CALCRL: variants seen among roughly 807,000 people sequenced by gnomAD.
CALCRL encodes the protein calcitonin gene-related peptide type 1 receptor.
In CALCRL, 27 loss-of-function variants were observed where a neutral mutation model predicts 60.4. The observed-to-expected ratio is 0.45, with a 90% confidence interval of 0.33 to 0.62. The LOEUF is 0.62. CALCRL is among the 20% of genes least tolerant of loss of function. CALCRL has a pLI of 0.03. For synonymous variants in CALCRL, 190 were observed against 182.6 expected (o/e 1.04, Z -0.33); for missense variants, 424 against 540.7 (o/e 0.78, Z 2.14).
chr2:187,416,220 A>C (rs1689598622), intron 1 of CALCRL, among the ~76,000 whole-genome samples: 1 of 152,228 alleles, frequency 6.6e-6, no homozygotes, highest in African/African-American at 2.4e-5. Context: ...AAATGTGTAT[A>C]ATTTTATCTG....
At chr2:187,409,268 G>A (rs1261653033) in intron 1 of CALCRL, among the ~76,000 whole-genome samples, 2 of 151,910 alleles carry the variant, frequency 1.3e-5, no homozygotes, top group Non-Finnish European at 2.9e-5. Flanking sequence ...ACCTTAGTAG[G>A]GTGTCAGGAT....
intron 1 of CALCRL, among the ~76,000 whole-genome samples, chr2:187,406,123 C>T (rs1035773449): frequency 2.6e-5 from 4 of 150,990 alleles, no homozygotes; most frequent in Non-Finnish European, 5.9e-5. Context: ...CTTGTCAAAA[C>T]TTGACACCAG....
intron 1 of CALCRL, among the ~76,000 whole-genome samples, chr2:187,389,016 C>T (rs1257191034): frequency 1.3e-5 from 2 of 150,968 alleles, no homozygotes; most frequent in Non-Finnish European, 2.9e-5. Context: ...TAATTTCTTT[C>T]TCATTGTCTG....
intron 8 of CALCRL, among the ~76,000 whole-genome samples, chr2:187,374,882 T>C (rs1326823464): frequency 6.6e-6 from 1 of 152,126 alleles, no homozygotes; most frequent in Non-Finnish European, 1.5e-5. Flanking sequence ...CTGGGGCTTA[T>C]TTAAAGCAAA....
At chr2:187,350,082 G>C (rs529336463) in intron 14 of CALCRL, among the ~76,000 whole-genome samples, 1 of 151,738 alleles carries the variant, frequency 6.6e-6, no homozygotes, top group African/African-American at 2.4e-5. Flanking sequence ...TCACAGCCAA[G>C]ATGAAAAGTA....
chr2:187,428,026 AG>A (rs1690225664), intron 1 of CALCRL, among the ~76,000 whole-genome samples: 2 of 152,206 alleles, frequency 1.3e-5, no homozygotes, highest in Admixed American at 6.5e-5. Flanking sequence ...GGGCTGTTTC[AG>A]GGATCAATGC....
chr2:187,358,696 C>T, intron 12 of CALCRL, among the ~76,000 whole-genome samples: 1 of 152,028 alleles, frequency 6.6e-6, no homozygotes. Flanking sequence ...GTTTCTGCTG[C>T]TTCTATTCTG....
rs73046664 is a variant in CALCRL, at chr2:187,350,448, A to G, written c.1170+1472T>C. 3.2e-3 allele frequency among the ~76,000 whole-genome samples: 480 copies of G among 151,588 alleles called. 4 individuals are homozygous for G. The highest frequency in any genetic ancestry group is 0.011 in the African/African-American group (459 of 41,454). The stretch of plus-strand genomic sequence containing the variant: ...ACTGCATTCTGTCTATGCTTCTCTG[A>G]TTTCAGAAAAAGTTGCTCTTGTCTT... On this transcript the variant is annotated intron_variant, in intron 14 of 14. Coordinates refer to ENST00000392370, the MANE Select transcript of CALCRL (RefSeq NM_005795.6).
At chr2:187,349,059 G>A (rs558297350) in intron 14 of CALCRL, among the ~76,000 whole-genome samples, 3 of 150,556 alleles carry the variant, frequency 2.0e-5, no homozygotes, top group South Asian at 2.1e-4. Flanking sequence ...AAATATTTAC[G>A]AAACTTTTAT....
At chr2:187,358,260 G>A (rs1686888463) in intron 12 of CALCRL, among the ~76,000 whole-genome samples, 1 of 152,146 alleles carries the variant, frequency 6.6e-6, no homozygotes, top group Non-Finnish European at 1.5e-5. Flanking sequence ...AGAGCCTGAG[G>A]TGGGAGGATC....
chr2:187,442,636 C>T (rs1690971499), intron 1 of CALCRL, among the ~76,000 whole-genome samples: 1 of 151,728 alleles, frequency 6.6e-6, no homozygotes, highest in Non-Finnish European at 1.5e-5. Flanking sequence ...AACTTGGAAT[C>T]CTAAAAGCTG....
At position 187,359,148 on chromosome 2, in the gene CALCRL, CATT is replaced by C. The variant is rs768144524; in HGVS notation, c.843-22_843-20del. 1.8e-5 allele frequency: 28 copies of C among 1,599,958 alleles called. No homozygotes were observed. The highest frequency in any genetic ancestry group is 1.5e-4 in the African/African-American group (11 of 74,616). On this transcript the variant is annotated intron_variant, in intron 11 of 14. Coordinates refer to ENST00000392370, the MANE Select transcript of CALCRL (RefSeq NM_005795.6). ...CCAGCAACTAGAGAAAACATAATAA[CATT>C]ATGTTGAAAATTTTTATTTTACATT...
intron 5 of CALCRL, among the ~76,000 whole-genome samples, chr2:187,382,048 C>A (rs1688005871): frequency 6.6e-6 from 1 of 152,046 alleles, no homozygotes; most frequent in South Asian, 2.1e-4. Context: ...AAAAAAATTT[C>A]TTGATGTAGT....
At chr2:187,386,740 A>G (rs922583256) in intron 3 of CALCRL, among the ~76,000 whole-genome samples, 8 of 141,626 alleles carry the variant, frequency 5.6e-5, no homozygotes, top group African/African-American at 2.1e-4. Context: ...CCCCACCTAA[A>G]TCTCATCTTG....
Position 187,387,329 on chromosome 2 carries a change from C to T in CALCRL, c.-37G>A, listed in dbSNP as rs929983921. 6.4e-6 allele frequency: 1 copy of T among 156,494 alleles called. No individual in the cohort carries two copies. The highest frequency in any genetic ancestry group is 2.4e-5 in the African/African-American group (1 of 41,650). The allele number at this position is 156,494 out of a possible 1,614,324, so 9.7% of individuals were successfully genotyped here. A position where few individuals can be genotyped will look rare whatever the true frequency, so the allele number is the denominator to read the frequency against. On this transcript the variant is annotated splice_region_variant and 5_prime_UTR_variant, in exon 3 of 15. Transcript: ENST00000392370. The stretch of plus-strand genomic sequence containing the variant: ...TTGCTAGCCCTCGCCAATGACTCAC[C>T]TAGAAGTTGTAGCAATCTTGTTTTA...
Position 187,346,122 on chromosome 2 carries a change from C to CG in CALCRL, c.*61_*62insC. ...TATTGAAGTCTTCTGGCTACAGAGT[C>CG]ATGGGTCCAAGTCCTTGAGTTAGGA... On this transcript the variant is annotated 3_prime_UTR_variant, in exon 15 of 15. Coordinates refer to ENST00000392370, the MANE Select transcript of CALCRL (RefSeq NM_005795.6). 9.8e-7 allele frequency: 1 copy of CG among 1,023,156 alleles called. No homozygotes were observed. Among genetic ancestry groups the CG allele is most frequent in the Non-Finnish European group, 1.5e-6 (1 of 688,622 alleles). 63.4% of individuals were successfully genotyped at this position (1,023,156 alleles called of 1,614,324 possible). A position where few individuals can be genotyped will look rare whatever the true frequency, so the allele number is the denominator to read the frequency against.
At chr2:187,381,622 A>AT (rs1436559021) in intron 5 of CALCRL, among the ~76,000 whole-genome samples, 1 of 151,824 alleles carries the variant, frequency 6.6e-6, no homozygotes, top group Non-Finnish European at 1.5e-5. Flanking sequence ...CGCCCAGCTA[A>AT]TTTTTGTATT....
At chr2:187,346,627 T>C (rs1157306795) in intron 14 of CALCRL, among the ~76,000 whole-genome samples, 1 of 151,922 alleles carries the variant, frequency 6.6e-6, no homozygotes, top group Admixed American at 6.6e-5. Context: ...TCCATTAATA[T>C]TTTTCATGGC....
chr2:187,363,462 A>G lies in CALCRL; in HGVS notation c.541T>C (p.Phe181Leu). 6.2e-7 allele frequency: 1 copy of G among 1,608,534 alleles called. No individual in the cohort carries two copies. The highest frequency in any genetic ancestry group is 8.5e-7 in the Non-Finnish European group (1 of 1,177,266). ...ACAGAGTTACAAACAAATGAGAAGA[A>G]CAGATTTTTGTGTAAGGTAATCCTT... Reference protein sequence around the residue: ...CQRITLHKNLFFSFVCNSVVT... With the variant: ...CQRITLHKNLLFSFVCNSVVT... Residue 181 changes from phenylalanine to leucine, a missense_variant, in exon 9 of 15, where the codon TTC becomes CTC. Phe to Leu is a conservative substitution (Grantham distance 22, BLOSUM62 0). Around this residue, in one of 7 missense-constraint regions of CALCRL, gnomAD observed 4 missense variants for 19.0 expected, o/e 0.21. Transcript: ENST00000392370.
Sources: gnomAD v4.1 joint callset for allele counts (sites outside exome capture counted in the v4.1 genomes callset) on GRCh38, gnomAD v4.1.1 for gene constraint, gnomAD v4.1.1 regional missense constraint, MANE v1.5 for transcripts, NCBI Gene and HGNC (gene_info 2026-07-23, HGNC 2026-07-21) for gene names.